TGM3: variants seen among roughly 807,000 people sequenced by gnomAD.
The protein encoded by TGM3 is transglutaminase 3.
Under a neutral mutation model 73.8 loss-of-function variants are expected in TGM3, and 52 were observed. That is an observed-to-expected ratio of 0.70 (90% CI 0.56 to 0.89). The LOEUF (loss-of-function observed/expected upper bound fraction) is 0.89. TGM3 is among the 40% of genes least tolerant of loss of function. The pLI, the probability that TGM3 is intolerant of heterozygous loss-of-function variation, is 0.00. For missense variants in TGM3, 928 were observed against 909.9 expected (o/e 1.02, Z -0.26); for synonymous variants, 372 against 354.9 (o/e 1.05, Z -0.54).
rs753938291 is a variant in TGM3, at chr20:2,310,206, G to T, written c.210G>T (p.Thr70=). Residue 70 remains threonine (T), a synonymous_variant, in exon 3 of 13, where the codon ACG becomes ACT. Transcript: ENST00000381458. ...CTTACCCCTCAGAGTCGGCCATGAC[G>T]AAGGCTGTGTTTCCACTCTCCAATG... The part of the protein sequence containing the change: ...TGPYPSESAM[T]KAVFPLSNGS... The T allele has an allele frequency of 6.2e-7, 1 of 1,614,186 alleles. No individual in the cohort carries two copies.
At chr20:2,305,112 GGGGTTT>G (rs2084170312) in intron 1 of TGM3, among the ~76,000 whole-genome samples, 1 of 152,162 alleles carries the variant, frequency 6.6e-6, no homozygotes, top group East Asian at 1.9e-4. Context: ...CCCATCCTTT[GGGGTTT>G]GGGTTTTTAT....
intron 11 of TGM3, among the ~76,000 whole-genome samples, chr20:2,336,594 G>T (rs1301577444): frequency 6.7e-6 from 1 of 149,644 alleles, no homozygotes; most frequent in Non-Finnish European, 1.5e-5. Context: ...TGCCGGGCCT[G>T]GTTCTCCCAC....
Position 2,327,096 on chromosome 20 carries a change from C to T in TGM3, c.1088-1024C>T, listed in dbSNP as rs575499332. On this transcript the variant is annotated intron_variant, in intron 8 of 12. Transcript: ENST00000381458. ...ATAAAATCTAGTTAGTGGGCTGTGT[C>T]CATCATTTTAGGAAAAGAAAATGAA... 1.7e-3 allele frequency among the ~76,000 whole-genome samples: 253 copies of T among 152,116 alleles called. 1 individual carries two copies. Among genetic ancestry groups the T allele is most frequent in the Middle Eastern group, 3.4e-3 (1 of 294 alleles).
chr20:2,326,134 T>C (rs1447522026), intron 8 of TGM3, 182 bp downstream of exon 8: 3 of 644,044 alleles, frequency 4.7e-6, no homozygotes, highest in Non-Finnish European at 8.2e-6. Flanking sequence ...GCTGTTTAAA[T>C]GAGTGCCTGC....
chr20:2,337,578 G>A (rs539222360), intron 11 of TGM3, among the ~76,000 whole-genome samples: 1 of 152,026 alleles, frequency 6.6e-6, no homozygotes, highest in African/African-American at 2.4e-5. Context: ...AAATTAGCCA[G>A]GCATGGTGGC....
At chr20:2,299,020 G>T (rs772575935) in intron 1 of TGM3, among the ~76,000 whole-genome samples, 1 of 152,060 alleles carries the variant, frequency 6.6e-6, no homozygotes, top group Non-Finnish European at 1.5e-5. Context: ...GTATTTCAGC[G>T]TTTGTTCCTG....
chr20:2,299,081 G>A (rs1441385855), intron 1 of TGM3, among the ~76,000 whole-genome samples: 1 of 152,124 alleles, frequency 6.6e-6, no homozygotes, highest in Admixed American at 6.5e-5. Flanking sequence ...GTTCAGAGGT[G>A]CTCTCTGGAT....
At chr20:2,321,582 G>A (rs1475366194) in intron 7 of TGM3, among the ~76,000 whole-genome samples, 1 of 152,190 alleles carries the variant, frequency 6.6e-6, no homozygotes, top group Non-Finnish European at 1.5e-5. Context: ...AAACGTCAAA[G>A]ACTGCATGAG....
Position 2,339,538 on chromosome 20 carries a change from C to T in TGM3, c.1801-316C>T, listed in dbSNP as rs906102711. ...AGAGCCCACAGTGGGGTTGGGCTGTCCTGGGAAGCAGGGTCTGAACTGGAG... is the reference window on the plus strand; with the variant it reads ...AGAGCCCACAGTGGGGTTGGGCTGTTCTGGGAAGCAGGGTCTGAACTGGAG... On this transcript the variant is annotated intron_variant, in intron 11 of 12. Transcript: ENST00000381458. Among the ~76,000 whole-genome samples, 25 of 152,142 alleles carry T rather than the reference C, an allele frequency of 1.6e-4. 1 individual carries two copies. Among genetic ancestry groups the T allele is most frequent in the Non-Finnish European group, 3.5e-4 (24 of 68,024 alleles).
intron 9 of TGM3, among the ~76,000 whole-genome samples, chr20:2,331,559 T>G (rs369192258): frequency 8.5e-5 from 13 of 152,326 alleles, no homozygotes; most frequent in African/African-American, 3.1e-4. Context: ...CAAAAAAAAT[T>G]TTTTAATTAA....
chr20:2,340,033 C>CGGGGGGAGGGGGG, intron 12 of TGM3, 46 bp downstream of exon 12: 1 of 196,586 alleles, frequency 5.1e-6, no homozygotes, highest in South Asian at 4.4e-5. Flanking sequence ...CGGGAGGGGG[C>CGGGGGGAGGGGGG]GGGGGGGCCC....
At chr20:2,309,628 G>A (rs1568623751) in intron 1 of TGM3, 29 bp from the exon 2 acceptor site, 1 of 1,611,536 alleles carries the variant, frequency 6.2e-7, no homozygotes, top group East Asian at 2.2e-5. Flanking sequence ...TGCCTCCTAG[G>A]ACTTCAGGTT....
At chr20:2,313,716 G>A (rs1337188289) in intron 5 of TGM3, among the ~76,000 whole-genome samples, 1 of 152,128 alleles carries the variant, frequency 6.6e-6, no homozygotes, top group Non-Finnish European at 1.5e-5. Context: ...CTATGGCTCT[G>A]CACTCATTGT....
intron 4 of TGM3, among the ~76,000 whole-genome samples, chr20:2,311,778 G>C (rs6048070): frequency 0.031 from 4,771 of 152,150 alleles, 270 homozygotes; most frequent in African/African-American, 0.11. Context: ...GAAGAAAAAA[G>C]AGAAGGATAG....
chr20:2,332,300 C>T lies in TGM3; in HGVS notation c.1632C>T (p.Asp544=). The T allele has an allele frequency of 6.3e-7, 1 of 1,593,534 alleles. No homozygotes were observed. The highest frequency in any genetic ancestry group is 1.3e-5 in the African/African-American group (1 of 74,488). Reference sequence around the variant, plus strand: ...AGGACTCTGCCACAATGTCCCTGGACCCTGAGGAAGGTAACGCATCCCGCA... The same window carrying T: ...AGGACTCTGCCACAATGTCCCTGGATCCTGAGGAAGGTAACGCATCCCGCA... ...VWKDSATMSL[D]PEEEAEHPIK... The change falls in exon 10 of 13, where the codon GAC becomes GAT. Residue 544 remains aspartate, a synonymous_variant. Coordinates refer to ENST00000381458, the MANE Select transcript of TGM3 (RefSeq NM_003245.4). This position sits in a 1 kb window ranked among gnomAD's most constrained non-coding sequence, Gnocchi z 4.4.
chr20:2,335,238 G>T lies in TGM3; in HGVS notation c.1765G>T (p.Asp589Tyr), dbSNP rs142333408. 1 of 1,614,188 alleles carries T rather than the reference G, an allele frequency of 6.2e-7. No individual in the cohort carries two copies. Among genetic ancestry groups the T allele is most frequent in the South Asian group, 1.1e-5 (1 of 91,092 alleles). ...TGAGTCTGAGGTGGTGGTGGAGCGGGACATCATCCTGGACAACCCCACCTT... is the reference window on the plus strand; with the variant it reads ...TGAGTCTGAGGTGGTGGTGGAGCGGTACATCATCCTGGACAACCCCACCTT... ...PDESEVVVERDIILDNPTLTL... is the reference protein window; with the variant it reads ...PDESEVVVERYIILDNPTLTL... The change falls in exon 11 of 13, where the codon GAC (aspartate) becomes TAC (tyrosine). Residue 589 changes from aspartate (D) to tyrosine (Y), a missense_variant. Physicochemically the swap from Asp to Tyr is radical, Grantham distance 160. Coordinates refer to ENST00000381458, the MANE Select transcript of TGM3 (RefSeq NM_003245.4).
At chr20:2,303,095 TCGA>T (rs1199020622) in intron 1 of TGM3, among the ~76,000 whole-genome samples, 16 of 152,060 alleles carry the variant, frequency 1.1e-4, no homozygotes, top group South Asian at 6.2e-4. Flanking sequence ...GGTCGGGAGT[TCGA>T]CAACAGGATG....
chr20:2,331,343 C>T (rs982479864), intron 9 of TGM3, among the ~76,000 whole-genome samples: 4 of 152,194 alleles, frequency 2.6e-5, no homozygotes, highest in African/African-American at 9.6e-5. Flanking sequence ...CACTCAGCAG[C>T]ACCCATAGCC....
At chr20:2,319,311 A>G (rs2084251327) in intron 7 of TGM3, among the ~76,000 whole-genome samples, 1 of 152,162 alleles carries the variant, frequency 6.6e-6, no homozygotes, top group Non-Finnish European at 1.5e-5. Flanking sequence ...GGAAAGCTTA[A>G]GTCTCAGTTC....
Sources: allele counts gnomAD v4.1 joint callset (sites outside exome capture counted in the v4.1 genomes callset), GRCh38; gene constraint gnomAD v4.1.1; non-coding constraint Gnocchi (gnomAD v3.1); transcripts MANE v1.5; gene names NCBI Gene and HGNC (gene_info 2026-07-23, HGNC 2026-07-21).